The following SHROOM3 variants were observed in gnomAD, a reference collection of about 807,000 sequenced individuals.
SHROOM3 encodes the protein protein Shroom3.
In SHROOM3, 47 loss-of-function variants were observed where a neutral mutation model predicts 138.6. That is an observed-to-expected ratio of 0.34 (90% CI 0.27 to 0.43). SHROOM3 has a LOEUF of 0.43. Among genes scored for constraint, SHROOM3 ranks in the 20% least tolerant of loss-of-function variants. The probability of loss-of-function intolerance (pLI) is 1.00; values close to 1 mark genes in which losing one functional copy is unlikely to be tolerated. For synonymous variants in SHROOM3, 1,062 were observed against 1,063.3 expected, an observed-to-expected ratio of 1.00 and a Z score of 0.02; for missense variants, 2,491 against 2,596.5, an observed-to-expected ratio of 0.96 and a Z score of 0.88.
chr4:76,636,177 T>G (rs1237868847), intron 2 of SHROOM3, among the ~76,000 whole-genome samples: 1 of 152,262 alleles, frequency 6.6e-6, no homozygotes, highest in Non-Finnish European at 1.5e-5. Context: ...GCTTGTTTTC[T>G]TCTGTAGCAG....
chr4:76,663,014 T>C (rs1053464823), intron 2 of SHROOM3, among the ~76,000 whole-genome samples: 24 of 152,120 alleles, frequency 1.6e-4, no homozygotes, highest in African/African-American at 5.6e-4. Flanking sequence ...ATTCCTAGCC[T>C]AGAACATTGT....
intron 2 of SHROOM3, among the ~76,000 whole-genome samples, chr4:76,615,530 A>G (rs1031688738): frequency 6.6e-6 from 1 of 152,226 alleles, no homozygotes. Flanking sequence ...GTAAATTATC[A>G]TCCTGCTCTT....
rs35294663 is a variant in SHROOM3 at position 76,557,226 on chromosome 4, TACAC to T, written c.323+1496_323+1499del. On this transcript the variant is annotated intron_variant, in intron 2 of 10. Coordinates refer to ENST00000296043, the MANE Select transcript of SHROOM3 (RefSeq NM_020859.4). ...GTGTATATATGTATATGTTTATGTATACACACACACACACACACACACACACACA... is the reference window on the plus strand; with the variant it reads ...GTGTATATATGTATATGTTTATGTATACACACACACACACACACACACACA... Among the ~76,000 whole-genome samples, 1,281 of 141,990 alleles carry T rather than the reference TACAC, an allele frequency of 9.0e-3. 16 individuals are homozygous for T. Among genetic ancestry groups the T allele is most frequent in the African/African-American group, 0.029 (1,067 of 37,338 alleles). 93.2% of individuals were successfully genotyped at this position (141,990 alleles called of 152,430 possible).
intron 2 of SHROOM3, among the ~76,000 whole-genome samples, chr4:76,697,953 A>G (rs538757581): frequency 7.9e-5 from 12 of 152,204 alleles, no homozygotes; most frequent in Non-Finnish European, 1.5e-4. Flanking sequence ...GAAAGGAAAA[A>G]TGAAGGGGAT....
At chr4:76,529,287 AG>A (rs952692621) in intron 1 of SHROOM3, among the ~76,000 whole-genome samples, 1 of 151,528 alleles carries the variant, frequency 6.6e-6, no homozygotes, top group African/African-American at 2.4e-5. Flanking sequence ...ATGTTGGCTT[AG>A]GGCTCTCCAT....
At chr4:76,655,807 AG>A (rs1285348333) in intron 2 of SHROOM3, among the ~76,000 whole-genome samples, 2 of 152,208 alleles carry the variant, frequency 1.3e-5, no homozygotes, top group East Asian at 1.9e-4. Flanking sequence ...AGGAATTGCC[AG>A]GGGATGTCAC....
intron 3 of SHROOM3, among the ~76,000 whole-genome samples, chr4:76,723,212 C>A (rs1179728515): frequency 6.6e-6 from 1 of 152,104 alleles, no homozygotes; most frequent in Non-Finnish European, 1.5e-5. Context: ...GACTTCAGAC[C>A]CCATTCATGT....
intron 2 of SHROOM3, among the ~76,000 whole-genome samples, chr4:76,663,996 C>A (rs1426014116): frequency 6.6e-6 from 1 of 152,204 alleles, no homozygotes; most frequent in Non-Finnish European, 1.5e-5. Context: ...CAAACAATTT[C>A]TTATCTGGCC....
chr4:76,548,450 A>T (rs1211655779), intron 1 of SHROOM3, among the ~76,000 whole-genome samples: 1 of 152,182 alleles, frequency 6.6e-6, no homozygotes, highest in Non-Finnish European at 1.5e-5. Context: ...AAGCATGAGG[A>T]AAAGAGATGG....
intron 1 of SHROOM3, among the ~76,000 whole-genome samples, chr4:76,525,691 G>T (rs181342662): frequency 8.3e-4 from 127 of 152,136 alleles, no homozygotes; most frequent in African/African-American, 2.9e-3. Flanking sequence ...GATTTTTAAA[G>T]CCTTTTAGTA....
chr4:76,528,303 C>A (rs1313624844), intron 1 of SHROOM3, among the ~76,000 whole-genome samples: 1 of 150,736 alleles, frequency 6.6e-6, no homozygotes, highest in East Asian at 1.9e-4. Context: ...AGAACTCAGT[C>A]AACTTAGTCT....
intron 8 of SHROOM3, 24 bp from the exon 9 acceptor site, chr4:76,759,521 T>C (rs1721927659): frequency 1.2e-6 from 2 of 1,613,838 alleles, no homozygotes; most frequent in Admixed American, 1.7e-5. Flanking sequence ...TGTGTGGCTA[T>C]ACTTTGTGCT....
intron 1 of SHROOM3, among the ~76,000 whole-genome samples, chr4:76,527,797 T>G (rs1452942832): frequency 6.6e-6 from 1 of 152,204 alleles, no homozygotes; most frequent in Non-Finnish European, 1.5e-5. Context: ...TCACAACTCG[T>G]GGAGACTTGT....
chr4:76,535,918 C>G (rs4859449), intron 1 of SHROOM3, among the ~76,000 whole-genome samples: 103,000 of 152,132 alleles, frequency 0.68, 35,249 homozygotes, highest in East Asian at 0.94. Context: ...GAATAAGCCA[C>G]AGGCGGAGGA....
Position 76,741,997 on chromosome 4 carries a change from A to AC in SHROOM3, c.3753+77dup, listed in dbSNP as rs780379448. ...CTAGAAGCTTTAGTGGGGCTCCCCA[A>AC]CCCCCCACACTCTCACCCGCTCTCC... On this transcript the variant is annotated intron_variant, in intron 5 of 10. Transcript: ENST00000296043. This position sits in a 1 kb window ranked among gnomAD's most constrained non-coding sequence, Gnocchi z 6.2. The AC allele has an allele frequency of 3.2e-6, 5 of 1,551,362 alleles. No homozygotes were observed. Among genetic ancestry groups the AC allele is most frequent in the Non-Finnish European group, 4.4e-6 (5 of 1,139,792 alleles).
intron 2 of SHROOM3, chr4:76,689,426 C>T (rs960301420): frequency 2.7e-6 from 2 of 741,074 alleles, no homozygotes; most frequent in Admixed American, 7.9e-5. Flanking sequence ...TGAGCGGGCC[C>T]GGGCGGGACG....
At chr4:76,618,663 C>T (rs1223659275) in intron 2 of SHROOM3, among the ~76,000 whole-genome samples, 1 of 152,094 alleles carries the variant, frequency 6.6e-6, no homozygotes, top group Non-Finnish European at 1.5e-5. Flanking sequence ...TTTTATGCCT[C>T]AATATTTCAA....
At chr4:76,474,005 A>G (rs1167107738) in intron 1 of SHROOM3, among the ~76,000 whole-genome samples, 2 of 152,250 alleles carry the variant, frequency 1.3e-5, no homozygotes, top group African/African-American at 2.4e-5. Flanking sequence ...AAAAACTTGT[A>G]CATGAATGTT....
chr4:76,532,057 C>G (rs1732840435), intron 1 of SHROOM3, among the ~76,000 whole-genome samples: 1 of 132,668 alleles, frequency 7.5e-6, no homozygotes, highest in Non-Finnish European at 1.6e-5. Flanking sequence ...TCCCTCCCCC[C>G]TCCCCCCATC....
Sources: allele counts gnomAD v4.1 joint callset (sites outside exome capture counted in the v4.1 genomes callset), GRCh38; gene constraint gnomAD v4.1.1; non-coding constraint Gnocchi (gnomAD v3.1); transcripts MANE v1.5; gene names NCBI Gene and HGNC (gene_info 2026-07-23, HGNC 2026-07-21).